The following HDLBP variants were observed in gnomAD, a reference collection of about 807,000 sequenced individuals.
The protein encoded by HDLBP is vigilin.
A neutral mutation model predicts 137.3 loss-of-function variants in HDLBP; 30 were observed. The ratio of observed to expected loss-of-function variants is 0.22; its 90% CI spans 0.16 to 0.30. The LOEUF is 0.30. HDLBP is among the 10% of genes least tolerant of loss of function. HDLBP has a pLI of 1.00. For synonymous variants in HDLBP, 606 were observed against 596.0 expected, an observed-to-expected ratio of 1.02 and a Z score of -0.24; for missense variants, 1,119 against 1,667.3, an observed-to-expected ratio of 0.67 and a Z score of 5.73.
chr2:241,314,041 T>C (rs2075875795), intron 1 of HDLBP, among the ~76,000 whole-genome samples: 1 of 152,228 alleles, frequency 6.6e-6, no homozygotes, highest in East Asian at 1.9e-4. Flanking sequence ...ACGCTGTCCC[T>C]GAGACTTGAG....
At position 241,272,258 on chromosome 2, in the gene HDLBP, G is replaced by C. The variant is rs1040312779; in HGVS notation, c.-102-3717C>G. On this transcript the variant is annotated intron_variant, in intron 1 of 27. Transcript: ENST00000310931. This position sits in a 1 kb window ranked among gnomAD's most constrained non-coding sequence, Gnocchi z 5.6. ...AGACCCCCGCCCCGCCGCCACCTGG[G>C]GGGAAGGACCCCGCTGGCCTCCCAG... The C allele has an allele frequency of 2.1e-6, 2 of 971,726 alleles. No individual in the cohort carries two copies. The highest frequency in any genetic ancestry group is 3.5e-5 in the African/African-American group (2 of 56,874). The allele number at this position is 971,726 out of a possible 1,614,324, so 60.2% of individuals were successfully genotyped here. A position where few individuals can be genotyped will look rare whatever the true frequency, so the allele number is the denominator to read the frequency against.
Position 241,229,391 on chromosome 2 carries a change from A to C in HDLBP, c.*210T>G, listed in dbSNP as rs1170919945. On this transcript the variant is annotated 3_prime_UTR_variant, in exon 28 of 28. Coordinates refer to ENST00000310931, the MANE Select transcript of HDLBP (RefSeq NM_005336.6). ...ATGCTCATGACCTTGGTTTAGTGTT[A>C]AACAGTGGAGCAGGTCCTGAGCGGG... 1 of 512,492 alleles carries C rather than the reference A, an allele frequency of 2.0e-6. No individual in the cohort carries two copies. The highest frequency in any genetic ancestry group is 3.3e-5 in the Admixed American group (1 of 30,394). 31.7% of individuals were successfully genotyped at this position (512,492 alleles called of 1,614,324 possible).
chr2:241,230,283 A>T lies in HDLBP; in HGVS notation c.3475-14T>A. 1.3e-6 allele frequency: 2 copies of T among 1,503,016 alleles called. No individual in the cohort carries two copies. The highest frequency in any genetic ancestry group is 1.8e-6 in the Non-Finnish European group (2 of 1,094,240). 93.1% of individuals were successfully genotyped at this position (1,503,016 alleles called of 1,614,324 possible). A position where few individuals can be genotyped will look rare whatever the true frequency, so the allele number is the denominator to read the frequency against. ...GCGAATGTCCACCTGGAAGGGGTGT[A>T]CAACGTCAGATGAGGGGACTCCAAG... On this transcript the variant is annotated splice_polypyrimidine_tract_variant and intron_variant, in intron 25 of 27. Coordinates refer to ENST00000310931, the MANE Select transcript of HDLBP (RefSeq NM_005336.6). This position sits in a 1 kb window ranked among gnomAD's most constrained non-coding sequence, Gnocchi z 5.0.
In HDLBP at chr2:241,233,599, A is replaced by G. The variant is rs2070053296; in HGVS notation, c.3288+221T>C. 6.6e-6 allele frequency among the ~76,000 whole-genome samples: 1 copy of G among 152,046 alleles called. No homozygotes were observed. On this transcript the variant is annotated intron_variant, in intron 24 of 27. Coordinates refer to ENST00000310931, the MANE Select transcript of HDLBP (RefSeq NM_005336.6). This position sits in a 1 kb window ranked among gnomAD's most constrained non-coding sequence, Gnocchi z 4.3. Reference sequence around the variant, plus strand: ...TTTCTGGAAGGAGACGCAGGAGAAAATGCTCCAGGCCCCAGATGATACATA... The same window carrying G: ...TTTCTGGAAGGAGACGCAGGAGAAAGTGCTCCAGGCCCCAGATGATACATA...
chr2:241,253,142 C>A, intron 10 of HDLBP, 107 bp from the exon 11 acceptor site: 1 of 778,672 alleles, frequency 1.3e-6, no homozygotes, highest in South Asian at 1.5e-5. Context: ...ACTCAGCTGT[C>A]AGGAATTGTT....
chr2:241,264,810 T>C (rs1452494290), intron 3 of HDLBP, among the ~76,000 whole-genome samples: 1 of 151,820 alleles, frequency 6.6e-6, no homozygotes, highest in Non-Finnish European at 1.5e-5. Context: ...GTGTGAGAGC[T>C]AGAGGAGGCC....
intron 2 of HDLBP, chr2:241,267,463 TG>T: frequency 5.3e-6 from 5 of 943,104 alleles, no homozygotes; most frequent in African/African-American, 1.6e-5. Context: ...ACCGCAGGGG[TG>T]GGGGGACCAT....
intron 1 of HDLBP, chr2:241,269,450 A>C (rs2073906938): frequency 6.8e-6 from 1 of 147,328 alleles, no homozygotes; most frequent in Admixed American, 6.6e-5. Flanking sequence ...GACTGGATTA[A>C]AGGGTCTCGC....
At chr2:241,256,468 TA>T (rs2072622671) in intron 6 of HDLBP, 69 bp from the exon 7 acceptor site, 4 of 1,512,602 alleles carry the variant, frequency 2.6e-6, no homozygotes, top group Non-Finnish European at 3.6e-6. Flanking sequence ...CAGGGCTTTT[TA>T]GAGTTGGAGT....
At position 241,242,565 on chromosome 2, in the gene HDLBP, A is replaced by G. The variant is rs375648401; in HGVS notation, c.2064T>C (p.Ile688=). The G allele has an allele frequency of 1.9e-5, 30 of 1,614,044 alleles. 1 individual carries two copies. In the East Asian group the frequency reaches 2.0e-4, roughly 11 times the overall value. Residue 688 remains isoleucine (I), a synonymous_variant, in exon 17 of 28, where the codon ATT becomes ATC. Transcript: ENST00000310931. ...TTCCTGAACCTTCCACGGGAAAGTG[A>G]ATGTGGACCCCGCCGCACTCCTCCA... ...SIMEECGGVH[I]HFPVEGSGSD...
chr2:241,248,261 G>A lies in HDLBP; in HGVS notation c.1600C>T (p.Arg534Cys), dbSNP rs760239912. The A allele has an allele frequency of 1.9e-6, 3 of 1,613,510 alleles. No homozygotes were observed. Among genetic ancestry groups the A allele is most frequent in the Non-Finnish European group, 8.5e-7 (1 of 1,179,468 alleles). The change falls in exon 13 of 28, where the codon CGT (arginine) becomes TGT (cysteine). Residue 534 changes from arginine (R) to cysteine (C), a missense_variant. Physicochemically the swap from Arg to Cys is radical, Grantham distance 180. This residue lies in a region of HDLBP where 425 missense variants were observed against 693.9 expected (regional missense o/e 0.61). Transcript: ENST00000310931. ...GQKGERIREI[R>C]DKFPEVIINF... ...AACTTTACCTCTGGGAATTTGTCAC[G>A]AATTTCACGGATCCGTTCACCCTTC...
At chr2:241,279,405 A>T (rs1559539989) in intron 1 of HDLBP, among the ~76,000 whole-genome samples, 1 of 152,236 alleles carries the variant, frequency 6.6e-6, no homozygotes, top group Non-Finnish European at 1.5e-5. Flanking sequence ...ACACAACAAA[A>T]TTTATACAAA....
chr2:241,304,135 G>T (rs2075490091), intron 1 of HDLBP, among the ~76,000 whole-genome samples: 2 of 152,158 alleles, frequency 1.3e-5, no homozygotes, highest in Admixed American at 6.5e-5. Context: ...TGCCCGGCCA[G>T]ATCATTACCT....
rs1019841890 is a variant in HDLBP, at chr2:241,229,496, G to A, written c.*105C>T. 43 of 820,646 alleles carry A rather than the reference G, an allele frequency of 5.2e-5. 1 individual carries two copies. The highest frequency in any genetic ancestry group is 1.9e-4 in the African/African-American group (11 of 58,588). The allele number at this position is 820,646 out of a possible 1,614,324, so 50.8% of individuals were successfully genotyped here. A position where few individuals can be genotyped will look rare whatever the true frequency, so the allele number is the denominator to read the frequency against. ...CGGGACCTCGGGAAGGGGGAAGAGC[G>A]TCAACAATTTACGGAGGGTCCAGCC... On this transcript the variant is annotated 3_prime_UTR_variant, in exon 28 of 28. Coordinates refer to ENST00000310931, the MANE Select transcript of HDLBP (RefSeq NM_005336.6).
At chr2:241,263,834 T>C (rs1034651189) in intron 4 of HDLBP, among the ~76,000 whole-genome samples, 4 of 152,144 alleles carry the variant, frequency 2.6e-5, no homozygotes, top group African/African-American at 9.7e-5. Flanking sequence ...CCCATTCATC[T>C]GACAAACACT....
At chr2:241,266,135 T>C (rs934241804) in intron 3 of HDLBP, among the ~76,000 whole-genome samples, 1 of 152,176 alleles carries the variant, frequency 6.6e-6, no homozygotes, top group African/African-American at 2.4e-5. Flanking sequence ...TGGATGAAAA[T>C]CTGGCATTCA....
intron 4 of HDLBP, among the ~76,000 whole-genome samples, chr2:241,263,493 A>AG (rs2073370576): frequency 6.6e-6 from 1 of 152,148 alleles, no homozygotes; most frequent in Non-Finnish European, 1.5e-5. Context: ...ACAAGGTGGA[A>AG]GCAAGAGGGA....
intron 3 of HDLBP, among the ~76,000 whole-genome samples, chr2:241,265,422 A>G (rs940637610): frequency 2.6e-5 from 4 of 152,218 alleles, no homozygotes; most frequent in African/African-American, 9.6e-5. Flanking sequence ...CCGTCTCAAA[A>G]AAAAAGACTG....
chr2:241,246,653 G>A, intron 16 of HDLBP, 99 bp downstream of exon 16: 10 of 1,178,024 alleles, frequency 8.5e-6, no homozygotes, highest in African/African-American at 1.5e-5. Flanking sequence ...ATCAGCCTGC[G>A]CTGGCCCAAT....
Sources: allele counts gnomAD v4.1 joint callset (sites outside exome capture counted in the v4.1 genomes callset), GRCh38; gene constraint gnomAD v4.1.1; regional missense constraint gnomAD v4.1.1; non-coding constraint Gnocchi (gnomAD v3.1); transcripts MANE v1.5; gene names NCBI Gene and HGNC (gene_info 2026-07-23, HGNC 2026-07-21).